Variants in NLN observed in about 807,000 individuals in gnomAD.
NLN encodes neurolysin, mitochondrial.
In NLN, 64 loss-of-function variants were observed where a neutral mutation model predicts 79.9. That is an observed-to-expected ratio of 0.80 (90% confidence interval 0.65 to 0.99). NLN has a LOEUF of 0.99. NLN is among the 50% of genes least tolerant of loss of function. The pLI is 0.00. For synonymous variants in NLN, 267 were observed against 296.6 expected (o/e 0.90, Z 1.02); for missense variants, 835 against 858.7 (o/e 0.97, Z 0.34).
At chr5:65,781,031 G>A (rs111960000) in intron 5 of NLN, among the ~76,000 whole-genome samples, 3 of 152,126 alleles carry the variant, frequency 2.0e-5, no homozygotes, top group Non-Finnish European at 2.9e-5. Context: ...ATTTGCACAA[G>A]TTTACTGAAA....
chr5:65,778,273 G>A (rs1221805599), intron 4 of NLN, among the ~76,000 whole-genome samples: 1 of 152,048 alleles, frequency 6.6e-6, no homozygotes, highest in Non-Finnish European at 1.5e-5. Context: ...AATAAACTTG[G>A]CTCCAGAATT....
chr5:65,737,814 A>G (rs1758759666), intron 1 of NLN, among the ~76,000 whole-genome samples: 1 of 152,172 alleles, frequency 6.6e-6, no homozygotes. Context: ...ACAGAAAAAA[A>G]GTAGACCTAG....
intron 12 of NLN, among the ~76,000 whole-genome samples, chr5:65,816,274 C>T (rs1279958519): frequency 6.6e-6 from 1 of 152,002 alleles, no homozygotes; most frequent in Non-Finnish European, 1.5e-5. Flanking sequence ...CAAACTAACA[C>T]AGGAATCAAA....
intron 9 of NLN, among the ~76,000 whole-genome samples, chr5:65,800,414 G>A (rs1452016467): frequency 2.0e-5 from 3 of 152,314 alleles, no homozygotes; most frequent in Admixed American, 1.3e-4. Context: ...GGTGGCTCAT[G>A]CCTATAATCC....
intron 11 of NLN, among the ~76,000 whole-genome samples, chr5:65,810,379 A>C (rs1205736311): frequency 6.6e-6 from 1 of 152,196 alleles, no homozygotes; most frequent in African/African-American, 2.4e-5. Flanking sequence ...GCAGCATTTT[A>C]GTGTAATCAG....
chr5:65,759,096 G>C (rs932926720), intron 2 of NLN, among the ~76,000 whole-genome samples: 7 of 152,068 alleles, frequency 4.6e-5, no homozygotes, highest in Non-Finnish European at 1.0e-4. Flanking sequence ...TCCACACCTA[G>C]ACATTTATTC....
At chr5:65,776,916 T>C (rs760945264) in intron 3 of NLN, among the ~76,000 whole-genome samples, 1 of 152,226 alleles carries the variant, frequency 6.6e-6, no homozygotes, top group Non-Finnish European at 1.5e-5. Flanking sequence ...TTTGAAGTGT[T>C]GGAAGGCTTT....
At chr5:65,822,220 TC>T (rs1440654767) in intron 12 of NLN, among the ~76,000 whole-genome samples, 2 of 152,236 alleles carry the variant, frequency 1.3e-5, no homozygotes, top group African/African-American at 4.8e-5. Flanking sequence ...TTTCCAAAGG[TC>T]CTCATTCCCA....
At chr5:65,722,452 G>A (rs1342206050) in intron 1 of NLN, 38 bp downstream of exon 1, 5 of 1,553,728 alleles carry the variant, frequency 3.2e-6, no homozygotes, top group South Asian at 1.2e-5. Flanking sequence ...GCCGTGGGCA[G>A]GGCGGGGTCT....
intron 9 of NLN, among the ~76,000 whole-genome samples, chr5:65,802,851 A>G (rs1215634309): frequency 6.6e-6 from 1 of 152,128 alleles, no homozygotes; most frequent in Non-Finnish European, 1.5e-5. Flanking sequence ...AGCTCTCAGC[A>G]GAGAAGAGAC....
At chr5:65,726,016 G>A (rs986626894) in intron 1 of NLN, among the ~76,000 whole-genome samples, 3 of 151,972 alleles carry the variant, frequency 2.0e-5, no homozygotes, top group Admixed American at 2.0e-4. Flanking sequence ...GGAGGCTGAG[G>A]CAGGAGAATG....
In NLN at chr5:65,825,877, G is replaced by T. The variant is rs928356232; in HGVS notation, c.*2962G>T. On this transcript the variant is annotated 3_prime_UTR_variant, in exon 13 of 13. Coordinates refer to ENST00000380985, the MANE Select transcript of NLN (RefSeq NM_020726.5). The stretch of plus-strand genomic sequence containing the variant: ...TGTGGAGATTCTGCCTCCCCACTAG[G>T]CCAGTGTGTGTTTACCATTTATTCA... 2 of 152,130 alleles carry T rather than the reference G, an allele frequency of 1.3e-5. No individual in the cohort carries two copies. Among genetic ancestry groups the T allele is most frequent in the Non-Finnish European group, 2.9e-5 (2 of 68,022 alleles). 9.4% of individuals were successfully genotyped at this position (152,130 alleles called of 1,614,324 possible). A position where few individuals can be genotyped will look rare whatever the true frequency, so the allele number is the denominator to read the frequency against.
At chr5:65,806,801 A>C (rs1263248489) in intron 9 of NLN, among the ~76,000 whole-genome samples, 2 of 152,200 alleles carry the variant, frequency 1.3e-5, no homozygotes, top group Non-Finnish European at 2.9e-5. Context: ...ATGCTATCTA[A>C]CAGCATCGCA....
chr5:65,765,196 A>T lies in NLN; in HGVS notation c.450+2088A>T, dbSNP rs1759426025. ...TCGGGAGTTCAAGACCAGCTTGGGC[A>T]ATATGGCAAAAACCCATCTCTACAA... On this transcript the variant is annotated intron_variant, in intron 3 of 12. Transcript: ENST00000380985. Among the ~76,000 whole-genome samples, 3 of 152,282 alleles carry T rather than the reference A, an allele frequency of 2.0e-5. No homozygotes were observed. The South Asian group carries it at 6.2e-4, about 32-fold the overall frequency.
chr5:65,762,234 T>C (rs1759354382), intron 2 of NLN, among the ~76,000 whole-genome samples: 1 of 152,246 alleles, frequency 6.6e-6, no homozygotes, highest in Non-Finnish European at 1.5e-5. Context: ...GAATTTTGAA[T>C]GTTTTTATGT....
intron 1 of NLN, among the ~76,000 whole-genome samples, chr5:65,750,547 C>A (rs1759082184): frequency 6.6e-6 from 1 of 151,968 alleles, no homozygotes; most frequent in African/African-American, 2.4e-5. Flanking sequence ...AAGACTCCAT[C>A]TCTACTAAAA....
intron 2 of NLN, among the ~76,000 whole-genome samples, chr5:65,762,751 C>CACATCTTT (rs1291257756): frequency 1.3e-5 from 2 of 152,024 alleles, no homozygotes; most frequent in Non-Finnish European, 2.9e-5. Flanking sequence ...GTGCTCAGCT[C>CACATCTTT]ACATCTTTAC....
At chr5:65,742,372 G>A (rs948912196) in intron 1 of NLN, among the ~76,000 whole-genome samples, 1 of 152,098 alleles carries the variant, frequency 6.6e-6, no homozygotes, top group African/African-American at 2.4e-5. Context: ...TTAGACCATT[G>A]AAGTTGTAAT....
At chr5:65,800,680 T>TTATTTATTTATG in intron 9 of NLN, among the ~76,000 whole-genome samples, 1 of 150,270 alleles carries the variant, frequency 6.7e-6, no homozygotes, top group Non-Finnish European at 1.5e-5. Flanking sequence ...ATTTATTTAT[T>TTATTTATTTATG]TATTTATTTA....
Sources: gnomAD v4.1 joint callset for allele counts (sites outside exome capture counted in the v4.1 genomes callset) on GRCh38, gnomAD v4.1.1 for gene constraint, MANE v1.5 for transcripts, NCBI Gene and HGNC (gene_info 2026-07-23, HGNC 2026-07-21) for gene names.